The following ERCC6L2 variants were observed in gnomAD, a reference collection of about 807,000 sequenced individuals.
ERCC6L2 encodes ERCC excision repair 6 like 2.
In ERCC6L2, 77 loss-of-function variants were observed where a neutral mutation model predicts 132.0. The observed-to-expected ratio is 0.58, with a 90% CI of 0.49 to 0.71. The LOEUF (loss-of-function observed/expected upper bound fraction) is 0.71, where lower values mean the gene tolerates loss of function less well. Ranked by LOEUF, ERCC6L2 falls within the 30% of genes least tolerant of loss-of-function variation. ERCC6L2 has a pLI of 0.00. For missense variants in ERCC6L2, 1,542 were observed against 1,837.6 expected (o/e 0.84, Z 2.94); for synonymous variants, 583 against 632.4 (o/e 0.92, Z 1.17).
chr9:95,985,140 C>T (rs919777394), intron 17 of ERCC6L2, among the ~76,000 whole-genome samples: 3 of 152,196 alleles, frequency 2.0e-5, no homozygotes, highest in Non-Finnish European at 4.4e-5. Context: ...AGTGCCCATT[C>T]TCTATGCCAG....
intron 11 of ERCC6L2, among the ~76,000 whole-genome samples, chr9:95,934,635 A>C (rs2132835073): frequency 6.6e-6 from 1 of 152,256 alleles, no homozygotes; most frequent in Middle Eastern, 3.4e-3. Flanking sequence ...TTTGACTTTC[A>C]GAATCATACA....
intron 3 of ERCC6L2, among the ~76,000 whole-genome samples, chr9:95,900,912 A>G (rs1389394362): frequency 6.6e-6 from 1 of 151,958 alleles, no homozygotes; most frequent in Non-Finnish European, 1.5e-5. Context: ...TAACGTCTTC[A>G]GTTAATTCTT....
At chr9:95,895,292 A>C (rs1449561160) in intron 2 of ERCC6L2, among the ~76,000 whole-genome samples, 2 of 151,802 alleles carry the variant, frequency 1.3e-5, no homozygotes, top group Non-Finnish European at 1.5e-5. Flanking sequence ...TGTCATTTTT[A>C]TTTTCTTATT....
chr9:95,943,290 G>T (rs1194903472), intron 12 of ERCC6L2, among the ~76,000 whole-genome samples: 1 of 152,064 alleles, frequency 6.6e-6, no homozygotes. Context: ...AGTTGTCTTA[G>T]AATTGTTTTT....
At chr9:95,993,738 A>C (rs1038467889) in intron 17 of ERCC6L2, among the ~76,000 whole-genome samples, 2 of 152,208 alleles carry the variant, frequency 1.3e-5, no homozygotes, top group South Asian at 4.1e-4. Context: ...TCACTCAGAA[A>C]GCAAAGCACT....
intron 12 of ERCC6L2, among the ~76,000 whole-genome samples, chr9:95,948,117 G>A (rs1472576627): frequency 1.3e-5 from 2 of 152,194 alleles, no homozygotes; most frequent in African/African-American, 4.8e-5. Flanking sequence ...TCTGGTCAAA[G>A]TCTGTTAAAA....
chr9:95,922,890 T>C (rs559082180), intron 8 of ERCC6L2, among the ~76,000 whole-genome samples: 1 of 152,166 alleles, frequency 6.6e-6, no homozygotes, highest in Admixed American at 6.6e-5. Flanking sequence ...AAGATGTTTT[T>C]GTAATGATTT....
At chr9:95,992,249 T>C (rs1833328115) in intron 17 of ERCC6L2, among the ~76,000 whole-genome samples, 1 of 152,210 alleles carries the variant, frequency 6.6e-6, no homozygotes, top group Non-Finnish European at 1.5e-5. Flanking sequence ...GCTTTTGTTA[T>C]TTTAATTAGG....
intron 17 of ERCC6L2, among the ~76,000 whole-genome samples, chr9:95,985,065 A>G (rs751288803): frequency 1.3e-5 from 2 of 152,130 alleles, no homozygotes; most frequent in Non-Finnish European, 2.9e-5. Flanking sequence ...AATTTGACCC[A>G]ATTCAAGTTC....
intron 3 of ERCC6L2, among the ~76,000 whole-genome samples, chr9:95,903,262 T>G (rs1828865824): frequency 6.6e-6 from 1 of 152,100 alleles, no homozygotes; most frequent in Non-Finnish European, 1.5e-5. Context: ...TGGTGTAAAA[T>G]TAAACTCATT....
intron 17 of ERCC6L2, among the ~76,000 whole-genome samples, chr9:95,986,716 C>A (rs1564287413): frequency 6.6e-6 from 1 of 152,022 alleles, no homozygotes; most frequent in African/African-American, 2.4e-5. Flanking sequence ...AGGCTGGTCT[C>A]AAACTCCTGA....
intron 2 of ERCC6L2, among the ~76,000 whole-genome samples, chr9:95,884,068 T>C (rs1320364689): frequency 6.6e-6 from 1 of 152,218 alleles, no homozygotes; most frequent in Non-Finnish European, 1.5e-5. Flanking sequence ...AGGAGCTGAT[T>C]TTACTGCAGA....
At chr9:95,884,331 A>G (rs866258958) in intron 2 of ERCC6L2, among the ~76,000 whole-genome samples, 2 of 152,324 alleles carry the variant, frequency 1.3e-5, no homozygotes, top group African/African-American at 4.8e-5. Context: ...TAGAGCTTCT[A>G]TAGATAGATA....
intron 19 of ERCC6L2, chr9:96,028,045 A>C (rs1588067486): frequency 6.6e-6 from 1 of 152,064 alleles, no homozygotes. Flanking sequence ...TCCCACCCAT[A>C]CCACCCAGCC....
rs1229285412 is a variant in ERCC6L2 at position 95,972,125 on chromosome 9, C to A, written c.2374C>A (p.Gln792Lys). 2.3e-6 allele frequency: 3 copies of A among 1,304,094 alleles called. No homozygotes were observed. Among genetic ancestry groups the A allele is most frequent in the Non-Finnish European group, 3.0e-6 (3 of 988,940 alleles). 80.8% of individuals were successfully genotyped at this position (1,304,094 alleles called of 1,614,324 possible). A position where few individuals can be genotyped will look rare whatever the true frequency, so the allele number is the denominator to read the frequency against. ...SSSPGQLTLL[Q>K]CGFSKLLETK... is the part of the protein sequence containing the mutation. ...CTCTCCAGGACAGCTTACCTTACTCCAGTGTGGTTTCTCGAAATTGCTTGA... is the reference window on the plus strand; with the variant it reads ...CTCTCCAGGACAGCTTACCTTACTCAAGTGTGGTTTCTCGAAATTGCTTGA... The change falls in exon 16 of 19, where the codon CAG becomes AAG. Residue 792 changes from glutamine to lysine, a missense_variant. Gln to Lys is a moderately conservative substitution (Grantham distance 53, BLOSUM62 1). Coordinates refer to ENST00000653738, the MANE Select transcript of ERCC6L2 (RefSeq NM_020207.7).
At chr9:95,966,222 TG>T (rs1335771476) in intron 13 of ERCC6L2, among the ~76,000 whole-genome samples, 1 of 152,204 alleles carries the variant, frequency 6.6e-6, no homozygotes, top group African/African-American at 2.4e-5. Context: ...TAGTTGCTAT[TG>T]TAATAAGAGT....
chr9:96,021,950 G>C (rs972989709), downstream of ERCC6L2, among the ~76,000 whole-genome samples: 7 of 151,986 alleles, frequency 4.6e-5, no homozygotes, highest in Non-Finnish European at 1.0e-4. The surrounding 1 kb of genome is among the most constrained non-coding windows in gnomAD (Gnocchi z 4.7). Flanking sequence ...CCCCCACGCC[G>C]CTCCTCCAGG....
chr9:95,886,122 CTT>C (rs1286194998), intron 2 of ERCC6L2, among the ~76,000 whole-genome samples: 2 of 152,078 alleles, frequency 1.3e-5, no homozygotes, highest in Non-Finnish European at 2.9e-5. Context: ...CCCAAGCGAT[CTT>C]CCCACCTCAG....
At position 95,968,189 on chromosome 9, in the gene ERCC6L2, A is replaced by C. The variant is rs533557568; in HGVS notation, c.2100+1475A>C. On this transcript the variant is annotated intron_variant, in intron 14 of 18. Transcript: ENST00000653738. ...CTCTTGTTCACTGGTTATTCTAAGA[A>C]TATCTTGTTTCACCTTCAGAAGTGT... The C allele has an allele frequency of 2.6e-5, 4 of 152,308 alleles. No individual in the cohort carries two copies. The East Asian group carries it at 7.7e-4, about 29-fold the overall frequency. 9.4% of individuals were successfully genotyped at this position (152,308 alleles called of 1,614,324 possible).
Sources: allele counts gnomAD v4.1 joint callset (sites outside exome capture counted in the v4.1 genomes callset), GRCh38; gene constraint gnomAD v4.1.1; non-coding constraint Gnocchi (gnomAD v3.1); transcripts MANE v1.5; gene names NCBI Gene and HGNC (gene_info 2026-07-23, HGNC 2026-07-21).